The following PCDH15 variants were observed in gnomAD, a reference collection of about 807,000 sequenced individuals.
The protein encoded by PCDH15 is protocadherin-15.
A neutral mutation model predicts 178.5 loss-of-function variants in PCDH15; 129 were observed. The observed-to-expected ratio is 0.72, with a 90% confidence interval of 0.63 to 0.84. The LOEUF (loss-of-function observed/expected upper bound fraction) is 0.84, where lower values mean the gene tolerates loss of function less well. PCDH15 is among the 40% of genes least tolerant of loss of function. The probability of loss-of-function intolerance (pLI) is 0.00; values close to 1 mark genes in which losing one functional copy is unlikely to be tolerated. For missense variants in PCDH15, 2,230 were observed against 2,099.9 expected (o/e 1.06, Z -1.21); for synonymous variants, 800 against 732.0 (o/e 1.09, Z -1.50).
chr10:53,950,195 A>G lies in PCDH15; in HGVS notation c.3123-9220T>C, dbSNP rs191947254. 6.0e-3 allele frequency among the ~76,000 whole-genome samples: 917 copies of G among 152,102 alleles called. 7 individuals carry two copies. The highest frequency in any genetic ancestry group is 9.2e-3 in the Non-Finnish European group (628 of 67,934). ...TTTGATATATTAAATTTTAATAATA[A>G]TAGAAATTGAAAAGGACTTATAGTA... On this transcript the variant is annotated intron_variant, in intron 23 of 37. Transcript: ENST00000644397.
intron 1 of PCDH15, among the ~76,000 whole-genome samples, chr10:54,781,879 G>C (rs573027359): frequency 2.8e-4 from 43 of 152,246 alleles, no homozygotes; most frequent in Admixed American, 2.6e-3. Context: ...TTACCTAACA[G>C]CTGGTACTAT....
intron 2 of PCDH15, among the ~76,000 whole-genome samples, chr10:55,556,931 G>T (rs543130451): frequency 6.6e-6 from 1 of 152,260 alleles, no homozygotes; most frequent in East Asian, 1.9e-4. Flanking sequence ...TTGTGTATTT[G>T]CTCTTTATTG....
chr10:55,347,643 A>G (rs1844798808), intron 2 of PCDH15, among the ~76,000 whole-genome samples: 1 of 152,150 alleles, frequency 6.6e-6, no homozygotes, highest in Admixed American at 6.5e-5. Flanking sequence ...CCAGGGTTGC[A>G]TTGTTATAAA....
intron 23 of PCDH15, among the ~76,000 whole-genome samples, chr10:53,951,324 C>G (rs867278838): frequency 2.7e-5 from 4 of 150,858 alleles, no homozygotes; most frequent in South Asian, 4.3e-4. Flanking sequence ...CCCTCCCACC[C>G]CCACCAAAAA....
intron 1 of PCDH15, among the ~76,000 whole-genome samples, chr10:54,757,909 T>C (rs1947372702): frequency 6.6e-6 from 1 of 151,874 alleles, no homozygotes; most frequent in African/African-American, 2.4e-5. Context: ...CCTCAGGAGG[T>C]CTTATTGGGT....
intron 2 of PCDH15, among the ~76,000 whole-genome samples, chr10:55,427,024 C>G (rs185700997): frequency 4.4e-4 from 67 of 151,948 alleles, no homozygotes; most frequent in African/African-American, 1.6e-3. Context: ...AGGGAACATT[C>G]AAACAGGAAA....
chr10:55,091,784 C>T (rs1016680852), intron 2 of PCDH15, among the ~76,000 whole-genome samples: 4 of 151,844 alleles, frequency 2.6e-5, no homozygotes, highest in African/African-American at 9.7e-5. Flanking sequence ...TCTTGTTTTA[C>T]TCTCATTTAT....
At chr10:54,247,684 A>G (rs1390609690) in intron 8 of PCDH15, among the ~76,000 whole-genome samples, 1 of 151,768 alleles carries the variant, frequency 6.6e-6, no homozygotes, top group Non-Finnish European at 1.5e-5. Flanking sequence ...ATTCCAATAG[A>G]ATGAACGGTG....
intron 2 of PCDH15, among the ~76,000 whole-genome samples, chr10:55,597,569 C>A (rs577669135): frequency 2.6e-5 from 4 of 152,306 alleles, no homozygotes; most frequent in East Asian, 1.9e-4. Flanking sequence ...AACTAAATTT[C>A]TGTCTTAATA....
At chr10:53,822,432 AGAGGAGCAGGAGCAGGAG>A (rs775707902) in intron 32 of PCDH15, 3 of 1,583,396 alleles carry the variant, frequency 1.9e-6, no homozygotes, top group East Asian at 2.3e-5. Context: ...AGGAGGAGCA[AGAGGAGCAGGAGCAGGAG>A]GAGGAGAAGG....
At chr10:55,009,314 A>G (rs1206417304) in intron 2 of PCDH15, among the ~76,000 whole-genome samples, 1 of 151,778 alleles carries the variant, frequency 6.6e-6, no homozygotes, top group Non-Finnish European at 1.5e-5. Flanking sequence ...GAAATTTGTA[A>G]TTAGGATACA....
At chr10:55,519,285 T>TAAAAAAAAAAA (rs34476517) in intron 2 of PCDH15, among the ~76,000 whole-genome samples, 1 of 134,170 alleles carries the variant, frequency 7.5e-6, no homozygotes, top group African/African-American at 2.8e-5. Flanking sequence ...ATGCTGAGTG[T>TAAAAAAAAAAA]AAAAAAAAAA....
intron 2 of PCDH15, among the ~76,000 whole-genome samples, chr10:55,537,269 T>A (rs973555491): frequency 6.6e-5 from 10 of 152,182 alleles, no homozygotes; most frequent in African/African-American, 2.4e-4. Flanking sequence ...TGCAGTTTTT[T>A]AAATAATTTT....
chr10:53,876,737 T>C (rs1043705404), intron 26 of PCDH15, among the ~76,000 whole-genome samples: 2 of 152,182 alleles, frequency 1.3e-5, no homozygotes, highest in African/African-American at 4.8e-5. Context: ...AATGCAATAT[T>C]AATAATTTCT....
At position 53,940,982 on chromosome 10, in the gene PCDH15, G is replaced by T; in HGVS notation, c.3123-7C>A. The T allele has an allele frequency of 6.5e-7, 1 of 1,550,312 alleles. No homozygotes were observed. The highest frequency in any genetic ancestry group is 8.9e-7 in the Non-Finnish European group (1 of 1,122,292). ...TTCACTTACTGGAGGAGGTCTGCAGGTTTAGAGAAGATGATGTATTTATTT... is the reference window on the plus strand; with the variant it reads ...TTCACTTACTGGAGGAGGTCTGCAGTTTTAGAGAAGATGATGTATTTATTT... On this transcript the variant is annotated splice_region_variant and splice_polypyrimidine_tract_variant and intron_variant, in intron 23 of 37. Transcript: ENST00000644397.
intron 5 of PCDH15, among the ~76,000 whole-genome samples, chr10:54,360,891 G>A (rs1340554561): frequency 6.6e-6 from 1 of 152,024 alleles, no homozygotes; most frequent in Non-Finnish European, 1.5e-5. Context: ...GCCCATCTGT[G>A]AATAGAATGA....
At chr10:54,987,759 A>C (rs1394503746) in intron 2 of PCDH15, among the ~76,000 whole-genome samples, 1 of 151,846 alleles carries the variant, frequency 6.6e-6, no homozygotes, top group Non-Finnish European at 1.5e-5. Flanking sequence ...TCTGGATATA[A>C]GAACTTTTTC....
chr10:54,940,540 G>T (rs1411472172), intron 2 of PCDH15, among the ~76,000 whole-genome samples: 1 of 152,104 alleles, frequency 6.6e-6, no homozygotes, highest in African/African-American at 2.4e-5. Flanking sequence ...CTTAGATCTA[G>T]ATCTAGATCT....
At chr10:53,870,433 G>T (rs1428378298) in intron 26 of PCDH15, among the ~76,000 whole-genome samples, 3 of 152,000 alleles carry the variant, frequency 2.0e-5, no homozygotes, top group East Asian at 1.9e-4. Context: ...TCATATGTAT[G>T]TTATACAGTA....
Sources: allele counts gnomAD v4.1 joint callset (sites outside exome capture counted in the v4.1 genomes callset), GRCh38; gene constraint gnomAD v4.1.1; transcripts MANE v1.5; gene names NCBI Gene and HGNC (gene_info 2026-07-23, HGNC 2026-07-21).